Variants in NOL8 observed in about 807,000 individuals in gnomAD.
The protein encoded by NOL8 is nucleolar protein 8.
A neutral mutation model predicts 116.1 loss-of-function variants in NOL8; 93 were observed. That is an observed-to-expected ratio of 0.80 (90% confidence interval 0.68 to 0.95). The LOEUF is 0.95. Ranked by LOEUF, NOL8 falls within the 40% of genes least tolerant of loss-of-function variation. NOL8 has a pLI of 0.00. For synonymous variants in NOL8, 419 were observed against 469.0 expected (o/e 0.89, Z 1.38); for missense variants, 1,291 against 1,382.8 (o/e 0.93, Z 1.05).
chr9:92,301,674 C>T lies in NOL8; in HGVS notation c.3052G>A (p.Glu1018Lys), dbSNP rs1837756510. The T allele has an allele frequency of 1.2e-6, 2 of 1,605,238 alleles. No individual in the cohort carries two copies. Among genetic ancestry groups the T allele is most frequent in the African/African-American group, 2.7e-5 (2 of 74,076 alleles). ...TCAGGTTTCTCTTTACCACAGTCCT[C>T]ATTCCAGGGTGTGCCCTCTTCCTTT... The part of the protein sequence containing the change: ...SEKEEGTPWN[E>K]DCGKEKPEEI... Residue 1018 changes from glutamate (E) to lysine (K), a missense_variant, in exon 13 of 17, where the codon GAG (glutamate) becomes AAG (lysine). Coordinates refer to ENST00000442668, the MANE Select transcript of NOL8 (RefSeq NM_017948.6).
In NOL8 at chr9:92,303,927, G is replaced by A. The variant is rs949206300; in HGVS notation, c.2903+1826C>T. Among the ~76,000 whole-genome samples, 11 of 152,236 alleles carry A rather than the reference G, an allele frequency of 7.2e-5. No individual in the cohort carries two copies. The East Asian group carries it at 2.1e-3, about 29-fold the overall frequency. On this transcript the variant is annotated intron_variant, in intron 12 of 16. Coordinates refer to ENST00000442668, the MANE Select transcript of NOL8 (RefSeq NM_017948.6). ...CAGGGTTAAAAAAACAACAAAAAAG[G>A]CTTATCTCAAAATGATTTGTGTGAC...
chr9:92,299,657 CAGG>C (rs1191299455), intron 14 of NOL8, among the ~76,000 whole-genome samples: 3 of 151,752 alleles, frequency 2.0e-5, no homozygotes, highest in Admixed American at 2.0e-4. Flanking sequence ...GAGGCTGGGA[CAGG>C]AGAATTGCTT....
chr9:92,300,736 C>A, intron 13 of NOL8: 2 of 1,185,290 alleles, frequency 1.7e-6, no homozygotes, highest in African/African-American at 1.6e-5. Flanking sequence ...TTTTAAAGTA[C>A]CACGGAGTTG....
rs757782481 is a variant in NOL8, at chr9:92,315,455, ATT to A, written c.1168_1169del (p.Asn390CysfsTer3). ...CTGTACTGTTTTTGACCTTAGCAAC[ATT>A]TTTTTTCATCGCAATAATTTCATCT... ...DTDEIIAMKKNVAKVKNSTEF... is the reference protein window; with the variant it reads ...DTDEIIAMKKXVAKVKNSTEF... On this transcript the variant is annotated frameshift_variant, in exon 7 of 17. Transcript: ENST00000442668. LOFTEE classifies it high-confidence loss of function. The A allele has an allele frequency of 4.4e-6, 7 of 1,597,040 alleles. No homozygotes were observed. Among genetic ancestry groups the A allele is most frequent in the Non-Finnish European group, 6.0e-6 (7 of 1,170,888 alleles).
In NOL8 at chr9:92,315,778, A is replaced by G; in HGVS notation, c.847T>C (p.Phe283Leu). The G allele has an allele frequency of 6.2e-7, 1 of 1,613,678 alleles. No individual in the cohort carries two copies. The highest frequency in any genetic ancestry group is 8.5e-7 in the Non-Finnish European group (1 of 1,179,776). The change falls in exon 7 of 17, where the codon TTT becomes CTT. Residue 283 changes from phenylalanine (F) to leucine (L), a missense_variant. Phe to Leu is a conservative substitution (Grantham distance 22). Coordinates refer to ENST00000442668, the MANE Select transcript of NOL8 (RefSeq NM_017948.6). ...GCAGTTTCCAAGCCAGAAGTCTTAA[A>G]AGGTAGATTTTTAAGTTTCTGAGTA... ...SDTQKLKNLP[F>L]KTSGLETAKK...
At chr9:92,300,911 T>C in intron 13 of NOL8, 1 of 979,024 alleles carries the variant, frequency 1.0e-6, no homozygotes, top group Non-Finnish European at 1.2e-6. Context: ...GGTATGTGTG[T>C]ATTCTTCTGT....
chr9:92,323,264 C>T, intron 3 of NOL8, 177 bp downstream of exon 3: 3 of 1,500,468 alleles, frequency 2.0e-6, no homozygotes, highest in Non-Finnish European at 1.8e-6. Flanking sequence ...TCTGCTGATG[C>T]CAAATGGAAT....
intron 8 of NOL8, 32 bp from the exon 9 acceptor site, chr9:92,310,707 G>C: frequency 6.3e-7 from 1 of 1,577,484 alleles, no homozygotes; most frequent in Non-Finnish European, 8.6e-7. Context: ...ATTAATAGCA[G>C]AGGCAAACAA....
intron 13 of NOL8, chr9:92,300,757 C>T: frequency 8.4e-7 from 1 of 1,190,886 alleles, no homozygotes; most frequent in Non-Finnish European, 1.1e-6. Flanking sequence ...GTATTATCTG[C>T]TAGTGAACCG....
At position 92,307,726 on chromosome 9, in the gene NOL8, T is replaced by C. The variant is rs184770205; in HGVS notation, c.2687-702A>G. On this transcript the variant is annotated intron_variant, in intron 10 of 16. Transcript: ENST00000442668. The stretch of plus-strand genomic sequence containing the variant: ...GAATAAAATGCTAATTTAAGTACTC[T>C]ACAGGGATGCCCCCAAAGTTTCTAA... Among the ~76,000 whole-genome samples the C allele has an allele frequency of 7.9e-4, 120 of 152,304 alleles. 1 individual carries two copies. The highest frequency in any genetic ancestry group is 6.5e-4 in the Non-Finnish European group (44 of 68,024).
Position 92,301,554 on chromosome 9 carries a change from CCTTT to C in NOL8, c.3168_3171del (p.Ile1056MetfsTer10). ...GTATGGGAAAAAAGAAAAGTACCTT[CCTTT>C]ATGTCTTTAGTGTCTGAATCAAAAA... On this transcript the variant is annotated frameshift_variant, in exon 13 of 17. Transcript: ENST00000442668. LOFTEE classifies it high-confidence loss of function. 1.3e-6 allele frequency: 2 copies of C among 1,582,914 alleles called. No individual in the cohort carries two copies. Among genetic ancestry groups the C allele is most frequent in the Non-Finnish European group, 8.6e-7 (1 of 1,167,352 alleles).
At chr9:92,311,480 T>C (rs1001904705) in intron 7 of NOL8, among the ~76,000 whole-genome samples, 1 of 152,126 alleles carries the variant, frequency 6.6e-6, no homozygotes, top group African/African-American at 2.4e-5. Flanking sequence ...ACCCAGAATC[T>C]ATAAGGAACT....
Position 92,315,941 on chromosome 9 carries a change from ACT to A in NOL8, c.682_683del (p.Ser228PhefsTer32). ...TACTCATGGCCAGAGACCCAGTGGA[ACT>A]CTCATCCTTCTGCACTTTTATTATC... The part of the protein sequence containing the change: ...KKIIKVQKDE[S>X]STGSLAMSTR... On this transcript the variant is annotated frameshift_variant, in exon 7 of 17. Coordinates refer to ENST00000442668, the MANE Select transcript of NOL8 (RefSeq NM_017948.6). LOFTEE classifies it high-confidence loss of function. 6.2e-7 allele frequency: 1 copy of A among 1,613,742 alleles called. No individual in the cohort carries two copies. Among genetic ancestry groups the A allele is most frequent in the South Asian group, 1.1e-5 (1 of 91,050 alleles).
Position 92,305,790 on chromosome 9 carries a change from TG to T in NOL8, c.2865del (p.Thr956LeufsTer42). 8.7e-6 allele frequency: 14 copies of T among 1,612,828 alleles called. No homozygotes were observed. The highest frequency in any genetic ancestry group is 1.2e-5 in the Non-Finnish European group (14 of 1,179,002). ...TTATCATCTCTTTTTCTTTCGTAAG[TG>T]GCATGGTCTTGCTTCGTTGGATCAT... ...IHYDPTKQDHATYERKRDDKP... is the reference protein window; with the variant it reads ...IHYDPTKQDHXTYERKRDDKP... On this transcript the variant is annotated frameshift_variant, in exon 12 of 17. Coordinates refer to ENST00000442668, the MANE Select transcript of NOL8 (RefSeq NM_017948.6). LOFTEE classifies it high-confidence loss of function.
Position 92,321,628 on chromosome 9 carries a change from A to T in NOL8, c.281+40T>A, listed in dbSNP as rs41308932. 1.5e-3 allele frequency: 1,728 copies of T among 1,132,494 alleles called. 4 individuals carry two copies. Among genetic ancestry groups the T allele is most frequent in the Non-Finnish European group, 2.0e-3 (1,600 of 801,468 alleles). The allele number at this position is 1,132,494 out of a possible 1,614,324, so 70.2% of individuals were successfully genotyped here. ...TAATATATAAAACCACTTACAATAT[A>T]AAAAAAATAGGGCTTAAATCCATGT... On this transcript the variant is annotated intron_variant, in intron 4 of 16. Coordinates refer to ENST00000442668, the MANE Select transcript of NOL8 (RefSeq NM_017948.6).
intron 5 of NOL8, 34 bp downstream of exon 5, chr9:92,319,187 C>T: frequency 6.7e-7 from 1 of 1,488,692 alleles, no homozygotes; most frequent in Non-Finnish European, 8.9e-7. Flanking sequence ...TTTCCAAGAC[C>T]ATGTAATTGG....
At position 92,314,643 on chromosome 9, in the gene NOL8, G is replaced by A. The variant is rs773309005; in HGVS notation, c.1982C>T (p.Pro661Leu). Reference sequence around the variant, plus strand: ...CTTACTTCTCTTTTCAGAACTGCTAGGGGACACTGCCTTGCGATCCTGGCT... The same window carrying A: ...CTTACTTCTCTTTTCAGAACTGCTAAGGGACACTGCCTTGCGATCCTGGCT... Reference protein sequence around the residue: ...FESQDRKAVSPSSSEKRSKNP... With the variant: ...FESQDRKAVSLSSSEKRSKNP... The change falls in exon 7 of 17, where the codon CCT becomes CTT. Residue 661 changes from proline (P) to leucine (L), a missense_variant. Transcript: ENST00000442668. 6.2e-6 allele frequency: 10 copies of A among 1,613,352 alleles called. No homozygotes were observed. The highest frequency in any genetic ancestry group is 8.5e-6 in the Non-Finnish European group (10 of 1,179,656).
intron 7 of NOL8, 45 bp from the exon 8 acceptor site, chr9:92,311,304 T>C (rs757190591): frequency 4.1e-6 from 6 of 1,448,544 alleles, no homozygotes; most frequent in Admixed American, 3.7e-5. Flanking sequence ...AGATTTATGA[T>C]GAAGACTCCA....
intron 7 of NOL8, among the ~76,000 whole-genome samples, chr9:92,312,446 TAAAAAAAAAAAAAA>T (rs34116665): frequency 8.7e-5 from 5 of 57,562 alleles, no homozygotes; most frequent in South Asian, 6.9e-4. Context: ...TGAGACCCTG[TAAAAAAAAAAAAAA>T]AAAAAAAAAA....
Sources: allele counts gnomAD v4.1 joint callset (sites outside exome capture counted in the v4.1 genomes callset), GRCh38; gene constraint gnomAD v4.1.1; transcripts MANE v1.5; gene names NCBI Gene and HGNC (gene_info 2026-07-23, HGNC 2026-07-21).